Variants in PLS3 observed in about 807,000 individuals in gnomAD.
The protein encoded by PLS3 is plastin-3.
Under a neutral mutation model 46.5 loss-of-function variants are expected in PLS3, and 11 were observed. The observed-to-expected ratio is 0.24, with a 90% CI of 0.15 to 0.39. The LOEUF is 0.39. PLS3 is among the 10% of genes least tolerant of loss of function. The pLI, the probability that PLS3 is intolerant of heterozygous loss-of-function variation, is 1.00. For synonymous variants in PLS3, 167 were observed against 162.2 expected (o/e 1.03, Z -0.22); for missense variants, 308 against 461.8 (o/e 0.67, Z 3.05).
intron 1 of PLS3, among the ~76,000 whole-genome samples, chrX:115,563,935 C>T (rs782569594): frequency 9.3e-4 from 104 of 112,107 alleles, no homozygotes; most frequent in Non-Finnish European, 1.5e-3. Context: ...GAAGTTATTA[C>T]CACTCAACTA....
intron 2 of PLS3, among the ~76,000 whole-genome samples, chrX:115,618,453 G>C (rs1603235957): frequency 9.0e-6 from 1 of 111,108 alleles, no homozygotes; most frequent in African/African-American, 3.3e-5. Flanking sequence ...GGGCATAGTG[G>C]TGAGAGCCTG....
At chrX:115,604,416 G>A (rs989145524) in intron 1 of PLS3, among the ~76,000 whole-genome samples, 1 of 111,911 alleles carries the variant, frequency 8.9e-6, no homozygotes, top group Admixed American at 9.6e-5. Flanking sequence ...CATACCATCT[G>A]TAATCTTCAT....
rs2147590677 is a variant in PLS3, at chrX:115,647,569, G to A, written c.1531G>A (p.Glu511Lys). ...TCTTAGATATACCCTCAATGTCCTGGAAGATCTTGGAGATGGTCAGAAAGC... is the reference window on the plus strand; with the variant it reads ...TCTTAGATATACCCTCAATGTCCTGAAAGATCTTGGAGATGGTCAGAAAGC... ...LMRRYTLNVL[E>K]DLGDGQKAND... is the part of the protein sequence containing the mutation. Residue 511 changes from glutamate to lysine, a missense_variant, in exon 14 of 16, where the codon GAA becomes AAA. Glu to Lys is a moderately conservative substitution (Grantham distance 56). Transcript: ENST00000355899. 8.3e-7 allele frequency: 1 copy of A among 1,203,273 alleles called. No individual in the cohort carries two copies. The highest frequency in any genetic ancestry group is 1.8e-5 in the South Asian group (1 of 56,572).
At chrX:115,623,319 T>C (rs1556637954) in intron 3 of PLS3, among the ~76,000 whole-genome samples, 1 of 110,633 alleles carries the variant, frequency 9.0e-6, no homozygotes, top group Admixed American at 9.7e-5. Context: ...AGGGAGAACT[T>C]GTCAGCTTGG....
At chrX:115,571,549 G>A (rs781870681) in intron 1 of PLS3, among the ~76,000 whole-genome samples, 3 of 109,027 alleles carry the variant, frequency 2.8e-5, no homozygotes, top group Admixed American at 9.9e-5. Flanking sequence ...GAGAGAAAGA[G>A]AAAAGGAAAG....
At chrX:115,603,492 C>T (rs2074463698) in intron 1 of PLS3, among the ~76,000 whole-genome samples, 2 of 111,592 alleles carry the variant, frequency 1.8e-5, no homozygotes, top group Admixed American at 9.6e-5. Flanking sequence ...TTCAGAAAAA[C>T]GTAGAGACTC....
intron 3 of PLS3, chrX:115,624,272 TATA>T (rs2074689026): frequency 9.3e-6 from 1 of 107,941 alleles, no homozygotes; most frequent in Admixed American, 9.9e-5. Flanking sequence ...GTGTCATAAT[TATA>T]ATGATATCGT....
chrX:115,621,204 G>A (rs2074651660), intron 2 of PLS3, among the ~76,000 whole-genome samples: 2 of 108,298 alleles, frequency 1.8e-5, no homozygotes, highest in African/African-American at 6.7e-5. Context: ...TAGTAGAAAC[G>A]GGGTTTCACC....
rs2074919147 is a variant in PLS3, at chrX:115,643,521, C to T, written c.1183+13C>T. Reference sequence around the variant, plus strand: ...ACTCTATTAGAAGGTAACTAAAAACCTCAATTTCGAATGTGTGGGACTATA... The same window carrying T: ...ACTCTATTAGAAGGTAACTAAAAACTTCAATTTCGAATGTGTGGGACTATA... On this transcript the variant is annotated intron_variant, in intron 10 of 15. Coordinates refer to ENST00000355899, the MANE Select transcript of PLS3 (RefSeq NM_005032.7). 9.6e-7 allele frequency: 1 copy of T among 1,037,702 alleles called. No homozygotes were observed. The highest frequency in any genetic ancestry group is 2.2e-5 in the Admixed American group (1 of 44,626). 85.5% of individuals were successfully genotyped at this position (1,037,702 alleles called of 1,213,427 possible). A position where few individuals can be genotyped will look rare whatever the true frequency, so the allele number is the denominator to read the frequency against.
At chrX:115,587,935 C>T (rs782410041) in intron 1 of PLS3, among the ~76,000 whole-genome samples, 3 of 111,800 alleles carry the variant, frequency 2.7e-5, no homozygotes, top group Non-Finnish European at 5.6e-5. Flanking sequence ...TGAGAACTTG[C>T]ATTGGTCACC....
intron 3 of PLS3, among the ~76,000 whole-genome samples, chrX:115,628,988 G>A (rs1006304335): frequency 1.3e-4 from 15 of 111,793 alleles, no homozygotes; most frequent in African/African-American, 3.2e-4. Flanking sequence ...TTTTTGACAA[G>A]TGTGTGCAAT....
chrX:115,640,341 C>T (rs1277624720), intron 8 of PLS3, 67 bp from the exon 9 acceptor site: 2 of 751,996 alleles, frequency 2.7e-6, no homozygotes, highest in African/African-American at 4.2e-5. Context: ...GCCTTCCAAA[C>T]ATGGGACAAT....
Position 115,635,039 on chromosome X carries a change from G to C in PLS3, c.741G>C (p.Arg247Ser). 1 of 1,203,142 alleles carries C rather than the reference G, an allele frequency of 8.3e-7. No homozygotes were observed. Among genetic ancestry groups the C allele is most frequent in the Non-Finnish European group, 1.1e-6 (1 of 890,761 alleles). Residue 247 changes from arginine to serine, a missense_variant, in exon 7 of 16, where the codon AGG (arginine) becomes AGC (serine). Around this residue, in one of 2 missense-constraint regions of PLS3, gnomAD observed 271 missense variants for 435.7 expected, o/e 0.62. Transcript: ENST00000355899. Reference protein sequence around the residue: ...IGLFADIELSRNEALAALLRD... With the variant: ...IGLFADIELSSNEALAALLRD... ...TGTTCGCTGACATTGAATTAAGCAG[G>C]AATGAAGGTAATGGAACACAGTCAT... is the stretch of plus-strand genomic sequence containing the variant.
rs189592092 is a variant in PLS3 at position 115,590,419 on chromosome X, C to G, written c.-8-19824C>G. Among the ~76,000 whole-genome samples, 157 of 111,150 alleles carry G rather than the reference C, an allele frequency of 1.4e-3. 1 individual carries two copies. The highest frequency in any genetic ancestry group is 4.9e-3 in the African/African-American group (151 of 30,604). On this transcript the variant is annotated intron_variant, in intron 1 of 15. Coordinates refer to ENST00000355899, the MANE Select transcript of PLS3 (RefSeq NM_005032.7). ...TCACACACATGCACATACACAGACACGCTCCCCACCGCCCCCGTCACGCAC... is the reference window on the plus strand; with the variant it reads ...TCACACACATGCACATACACAGACAGGCTCCCCACCGCCCCCGTCACGCAC...
intron 8 of PLS3, among the ~76,000 whole-genome samples, chrX:115,637,886 T>G (rs1556640508): frequency 8.9e-6 from 1 of 111,856 alleles, no homozygotes. Flanking sequence ...CCCAAAATTA[T>G]AAGACCAACT....
intron 1 of PLS3, among the ~76,000 whole-genome samples, chrX:115,608,213 C>T (rs1363758968): frequency 8.9e-6 from 1 of 111,761 alleles, no homozygotes; most frequent in Non-Finnish European, 1.9e-5. Context: ...CTCCCTACCA[C>T]TTCCAGCCCC....
chrX:115,644,974 C>A, intron 10 of PLS3, 47 bp from the exon 11 acceptor site: 1 of 783,525 alleles, frequency 1.3e-6, no homozygotes, highest in Non-Finnish European at 2.0e-6. Flanking sequence ...TATGCACATA[C>A]ATAAAGTGTT....
intron 1 of PLS3, among the ~76,000 whole-genome samples, chrX:115,566,796 A>G (rs2074177310): frequency 9.0e-6 from 1 of 111,112 alleles, no homozygotes; most frequent in African/African-American, 3.3e-5. Flanking sequence ...CTCGTGCCTC[A>G]GCCTCCTGAG....
Position 115,561,869 on chromosome X carries a change from C to T in PLS3, c.-9+609C>T, listed in dbSNP as rs2074138508. Among the ~76,000 whole-genome samples, 4 of 111,586 alleles carry T rather than the reference C, an allele frequency of 3.6e-5. No individual in the cohort carries two copies. The Admixed American group carries it at 3.8e-4, about 11-fold the overall frequency. On this transcript the variant is annotated intron_variant, in intron 1 of 15. Coordinates refer to ENST00000355899, the MANE Select transcript of PLS3 (RefSeq NM_005032.7). ...GGGTTGCCTGCCTTCTGCCTGCTTCCCTCCCTTGTCCTTAGCGAGGGCGTC... is the reference window on the plus strand; with the variant it reads ...GGGTTGCCTGCCTTCTGCCTGCTTCTCTCCCTTGTCCTTAGCGAGGGCGTC...
Sources: allele counts gnomAD v4.1 joint callset (sites outside exome capture counted in the v4.1 genomes callset), GRCh38; gene constraint gnomAD v4.1.1; regional missense constraint gnomAD v4.1.1; transcripts MANE v1.5; gene names NCBI Gene and HGNC (gene_info 2026-07-23, HGNC 2026-07-21).